Variants in FOXJ3 observed in about 807,000 individuals in gnomAD.
The protein encoded by FOXJ3 is forkhead box J3.
Under a neutral mutation model 76.1 loss-of-function variants are expected in FOXJ3, and 22 were observed. The ratio of observed to expected loss-of-function variants is 0.29; its 90% CI spans 0.21 to 0.41. FOXJ3 has a LOEUF of 0.41. FOXJ3 is among the 10% of genes least tolerant of loss of function. The probability of loss-of-function intolerance (pLI) is 1.00; values close to 1 mark genes in which losing one functional copy is unlikely to be tolerated. For missense variants in FOXJ3, 613 were observed against 762.1 expected, an observed-to-expected ratio of 0.80 and a Z score of 2.30; for synonymous variants, 269 against 261.2, an observed-to-expected ratio of 1.03 and a Z score of -0.29.
chr1:42,322,653 A>T (rs922041559), intron 1 of FOXJ3, among the ~76,000 whole-genome samples: 9 of 152,108 alleles, frequency 5.9e-5, no homozygotes, highest in African/African-American at 1.9e-4. Flanking sequence ...GAAGCTAAGG[A>T]TGACTAGTAC....
chr1:42,269,648 C>A (rs1300039935), intron 3 of FOXJ3, among the ~76,000 whole-genome samples: 1 of 152,182 alleles, frequency 6.6e-6, no homozygotes, highest in Non-Finnish European at 1.5e-5. Flanking sequence ...TAAACTCAAT[C>A]TTTATGCCCA....
At chr1:42,330,555 T>C (rs1220428025) in intron 1 of FOXJ3, among the ~76,000 whole-genome samples, 1 of 151,982 alleles carries the variant, frequency 6.6e-6, no homozygotes, top group Non-Finnish European at 1.5e-5. Context: ...GGAGGATCAC[T>C]GGGGCCCAGG....
At chr1:42,255,472 A>G (rs1290874886) in intron 4 of FOXJ3, among the ~76,000 whole-genome samples, 1 of 152,252 alleles carries the variant, frequency 6.6e-6, no homozygotes, top group Non-Finnish European at 1.5e-5. Context: ...AACAAAAGAA[A>G]AACAAACAGC....
At chr1:42,293,551 G>A (rs967320626) in intron 2 of FOXJ3, among the ~76,000 whole-genome samples, 8 of 152,048 alleles carry the variant, frequency 5.3e-5, no homozygotes, top group African/African-American at 1.9e-4. Context: ...AAGCATACTG[G>A]GTTCTTCTTG....
chr1:42,193,399 C>CT (rs542481846), intron 8 of FOXJ3, among the ~76,000 whole-genome samples: 7,304 of 132,170 alleles, frequency 0.055, 434 homozygotes, highest in African/African-American at 0.16. Context: ...ATCGATGTTC[C>CT]TTTTTTTTTT....
chr1:42,282,947 A>C (rs1652820637), intron 2 of FOXJ3, among the ~76,000 whole-genome samples: 1 of 152,340 alleles, frequency 6.6e-6, no homozygotes, highest in South Asian at 2.1e-4. Flanking sequence ...CTATCCAATG[A>C]AGGTATGCGT....
At chr1:42,272,151 C>T (rs1307356083) in intron 3 of FOXJ3, among the ~76,000 whole-genome samples, 1 of 152,220 alleles carries the variant, frequency 6.6e-6, no homozygotes, top group Non-Finnish European at 1.5e-5. Flanking sequence ...GTTCACTCTG[C>T]ATTTCTGGAA....
intron 2 of FOXJ3, among the ~76,000 whole-genome samples, chr1:42,301,002 T>A (rs1241450462): frequency 6.6e-6 from 1 of 152,166 alleles, no homozygotes; most frequent in Non-Finnish European, 1.5e-5. Context: ...TAGATGAGGT[T>A]CTTCTTGCAA....
chr1:42,202,190 C>G (rs1646776901), intron 6 of FOXJ3, among the ~76,000 whole-genome samples: 1 of 152,110 alleles, frequency 6.6e-6, no homozygotes, highest in East Asian at 1.9e-4. Context: ...TGTTATTAAT[C>G]CCATCTAGTG....
chr1:42,273,821 A>G (rs986842459), intron 3 of FOXJ3, among the ~76,000 whole-genome samples: 13 of 152,154 alleles, frequency 8.5e-5, no homozygotes, highest in Non-Finnish European at 5.9e-5. Context: ...AGTTGACAAC[A>G]GTTAAAAATT....
chr1:42,257,042 A>T (rs1384574561), intron 4 of FOXJ3, among the ~76,000 whole-genome samples: 2 of 152,248 alleles, frequency 1.3e-5, no homozygotes, highest in Non-Finnish European at 2.9e-5. Context: ...TCACTATCTA[A>T]AACCGGGGCT....
At chr1:42,264,299 A>G (rs951769982) in intron 4 of FOXJ3, among the ~76,000 whole-genome samples, 2 of 152,174 alleles carry the variant, frequency 1.3e-5, no homozygotes, top group Non-Finnish European at 1.5e-5. Flanking sequence ...GATTGAGAAA[A>G]AAACAGTAAA....
intron 11 of FOXJ3, among the ~76,000 whole-genome samples, 184 bp downstream of exon 11, chr1:42,188,553 T>C (rs1304096497): frequency 6.6e-6 from 1 of 152,222 alleles, no homozygotes; most frequent in Non-Finnish European, 1.5e-5. Flanking sequence ...CATAGTCTCA[T>C]TACCTCAATT....
At chr1:42,219,245 TG>T (rs1282077324) in intron 5 of FOXJ3, among the ~76,000 whole-genome samples, 1 of 152,218 alleles carries the variant, frequency 6.6e-6, no homozygotes, top group Non-Finnish European at 1.5e-5. Context: ...ACCTGGGACA[TG>T]AATCATCCCT....
intron 4 of FOXJ3, 91 bp downstream of exon 4, chr1:42,265,024 G>C: frequency 1.2e-6 from 1 of 843,330 alleles, no homozygotes; most frequent in Admixed American, 1.7e-5. Context: ...TTTTGCAGAG[G>C]TTCCTATTCA....
chr1:42,321,828 A>G (rs1655446025), intron 1 of FOXJ3, among the ~76,000 whole-genome samples: 1 of 152,118 alleles, frequency 6.6e-6, no homozygotes, highest in African/African-American at 2.4e-5. Context: ...CCTGATCAGT[A>G]TATGATTAAA....
intron 11 of FOXJ3, among the ~76,000 whole-genome samples, chr1:42,185,711 G>C (rs544468043): frequency 6.6e-6 from 1 of 151,998 alleles, no homozygotes; most frequent in Admixed American, 6.5e-5. Context: ...TTTAAGCAAC[G>C]CATCAAATTA....
At chr1:42,311,166 G>A (rs1035116771) in intron 1 of FOXJ3, 56 bp from the exon 2 acceptor site, 41 of 1,109,998 alleles carry the variant, frequency 3.7e-5, no homozygotes, top group Non-Finnish European at 3.2e-5. Flanking sequence ...TAAACCATAA[G>A]TCTCACTTTA....
intron 2 of FOXJ3, among the ~76,000 whole-genome samples, chr1:42,279,195 G>A (rs1387969560): frequency 1.3e-5 from 2 of 152,296 alleles, no homozygotes; most frequent in Non-Finnish European, 2.9e-5. Flanking sequence ...AAGGAAAGAA[G>A]GTAGAGTTTA....
Sources: gnomAD v4.1 joint callset for allele counts (sites outside exome capture counted in the v4.1 genomes callset) on GRCh38, gnomAD v4.1.1 for gene constraint, MANE v1.5 for transcripts, NCBI Gene and HGNC (gene_info 2026-07-23, HGNC 2026-07-21) for gene names.